SOX6: variants seen among roughly 807,000 people sequenced by gnomAD.
SOX6 encodes SRY-box transcription factor 6.
SOX6 carries 11 observed loss-of-function variants against 97.8 expected under a neutral mutation model. The observed-to-expected ratio is 0.11, with a 90% CI of 0.07 to 0.19. The LOEUF is 0.19. SOX6 is among the 10% of genes least tolerant of loss of function. The probability of loss-of-function intolerance (pLI) is 1.00; values close to 1 mark genes in which losing one functional copy is unlikely to be tolerated. For synonymous variants in SOX6, 360 were observed against 371.4 expected, an observed-to-expected ratio of 0.97 and a Z score of 0.35; for missense variants, 810 against 1,039.5, an observed-to-expected ratio of 0.78 and a Z score of 3.04.
intron 1 of SOX6, among the ~76,000 whole-genome samples, chr11:16,444,737 G>A (rs904443811): frequency 2.0e-5 from 3 of 152,046 alleles, no homozygotes; most frequent in African/African-American, 7.2e-5. Flanking sequence ...GCAGATATTT[G>A]ATGAGACTAT....
At chr11:16,554,447 T>C (rs1847729170) in intron 4 of SOX6, among the ~76,000 whole-genome samples, 1 of 152,126 alleles carries the variant, frequency 6.6e-6, no homozygotes. Context: ...ATTCCCACCA[T>C]GTGCCAGGCA....
chr11:16,303,389 C>G (rs560025556), intron 3 of SOX6, among the ~76,000 whole-genome samples: 1 of 152,168 alleles, frequency 6.6e-6, no homozygotes, highest in South Asian at 2.1e-4. Flanking sequence ...TGTAAAATAA[C>G]AAATACTTTT....
chr11:16,082,977 G>A (rs532204067), intron 9 of SOX6, among the ~76,000 whole-genome samples: 6 of 152,242 alleles, frequency 3.9e-5, no homozygotes, highest in Admixed American at 3.3e-4. Flanking sequence ...CTACACCTAT[G>A]GGTAGCTATT....
intron 2 of SOX6, among the ~76,000 whole-genome samples, chr11:16,337,645 T>C (rs1856504525): frequency 6.6e-6 from 1 of 152,102 alleles, no homozygotes; most frequent in African/African-American, 2.4e-5. Flanking sequence ...GTGAATCTTA[T>C]TTACATTAAC....
chr11:16,327,020 C>T (rs1447488996), intron 2 of SOX6, among the ~76,000 whole-genome samples: 1 of 152,154 alleles, frequency 6.6e-6, no homozygotes, highest in Non-Finnish European at 1.5e-5. Context: ...AAACTTCTTT[C>T]TTACGTGGTG....
chr11:16,308,147 A>G (rs1855492975), intron 3 of SOX6, among the ~76,000 whole-genome samples: 1 of 152,234 alleles, frequency 6.6e-6, no homozygotes, highest in African/African-American at 2.4e-5. Context: ...AAAATTGGAT[A>G]GAAGCTTTTA....
At chr11:16,100,393 G>T (rs1002273058) in intron 7 of SOX6, among the ~76,000 whole-genome samples, 3 of 151,730 alleles carry the variant, frequency 2.0e-5, no homozygotes, top group African/African-American at 7.2e-5. Context: ...ACCAATTTGA[G>T]AAATAATGTC....
intron 13 of SOX6, among the ~76,000 whole-genome samples, chr11:15,997,121 T>G (rs1281244063): frequency 6.6e-6 from 1 of 152,108 alleles, no homozygotes; most frequent in Non-Finnish European, 1.5e-5. Context: ...TCAATAAATT[T>G]GACAACTTAG....
intron 4 of SOX6, among the ~76,000 whole-genome samples, chr11:16,543,936 T>G (rs1847584200): frequency 1.3e-5 from 2 of 152,142 alleles, no homozygotes; most frequent in South Asian, 2.1e-4. Flanking sequence ...CAAATATTCA[T>G]GGAAGCACTA....
Position 16,660,567 on chromosome 11 carries a change from T to C in SOX6, n.430-48307A>G, listed in dbSNP as rs190233999. Among the ~76,000 whole-genome samples the C allele has an allele frequency of 6.0e-4, 91 of 152,366 alleles. 1 individual carries two copies. In the South Asian group the frequency reaches 7.9e-3, roughly 13 times the overall value. On this transcript the variant is annotated intron_variant and non_coding_transcript_variant, in intron 3 of 5. Transcript: ENST00000524520. ...GAGAAGAATGCATACTTTGCTAGTA[T>C]TGAATGAAGTATTCTCTAAATATCT...
chr11:15,987,792 A>G (rs916227083), intron 14 of SOX6, among the ~76,000 whole-genome samples: 1 of 151,912 alleles, frequency 6.6e-6, no homozygotes, highest in Non-Finnish European at 1.5e-5. Context: ...TAACATCCCT[A>G]TGCATAACTC....
At chr11:16,349,680 GGAAGGAAGGA>G (rs1565105552) in intron 1 of SOX6, among the ~76,000 whole-genome samples, 77 of 61,324 alleles carry the variant, frequency 1.3e-3, no homozygotes, top group African/African-American at 3.6e-3. Flanking sequence ...GAGGGAGGAA[GGAAGGAAGGA>G]AGGAAGGAAG....
chr11:16,370,219 C>G (rs2134391292), intron 1 of SOX6, among the ~76,000 whole-genome samples: 1 of 152,256 alleles, frequency 6.6e-6, no homozygotes, highest in African/African-American at 2.4e-5. Flanking sequence ...TGGCTGGTAG[C>G]TGCTTCATAC....
In SOX6 at chr11:16,300,680, G is replaced by A. The variant is rs1855230839; in HGVS notation, c.445+17766C>T. ...GAATGGCAGAGCAAGTGGGGCTAAC[G>A]AAAACTGAAGTTCATCACCAGAGAA... On this transcript the variant is annotated intron_variant, in intron 3 of 15. Transcript: ENST00000683767. The surrounding 1 kb of genome is among the most constrained non-coding windows in gnomAD (Gnocchi z 4.1). 6.6e-6 allele frequency among the ~76,000 whole-genome samples: 1 copy of A among 152,108 alleles called. No homozygotes were observed. The highest frequency in any genetic ancestry group is 1.5e-5 in the Non-Finnish European group (1 of 68,018).
At chr11:16,545,613 A>G (rs1160642121) in intron 4 of SOX6, among the ~76,000 whole-genome samples, 1 of 152,142 alleles carries the variant, frequency 6.6e-6, no homozygotes, top group Non-Finnish European at 1.5e-5. Context: ...TAGCCAGAAC[A>G]ATTAGTCAAG....
rs66685848 is a variant in SOX6 at position 16,198,025 on chromosome 11, CTGTTGTTGTTGTTGTTGT to C, written c.536-11088_536-11071del. Among the ~76,000 whole-genome samples the C allele has an allele frequency of 2.0e-3, 303 of 150,020 alleles. 5 individuals carry two copies. The East Asian group carries it at 0.029, about 14-fold the overall frequency. On this transcript the variant is annotated intron_variant, in intron 4 of 15. Coordinates refer to ENST00000683767, the MANE Select transcript of SOX6 (RefSeq NM_001367873.1). ...TTAGAAAAGCTTAATTCAAGATTTCCTGTTGTTGTTGTTGTTGTTGTTGTTGTTGTTGTTGTTGTTGTT... is the reference window on the plus strand; with the variant it reads ...TTAGAAAAGCTTAATTCAAGATTTCCTGTTGTTGTTGTTGTTGTTGTTGTT...
chr11:16,160,982 A>G (rs998322280), intron 6 of SOX6, among the ~76,000 whole-genome samples: 1 of 152,180 alleles, frequency 6.6e-6, no homozygotes, highest in Non-Finnish European at 1.5e-5. Flanking sequence ...CAATGATTTA[A>G]ATATTTGATT....
At chr11:16,700,085 C>T (rs1220938749) in intron 3 of SOX6, among the ~76,000 whole-genome samples, 1 of 151,926 alleles carries the variant, frequency 6.6e-6, no homozygotes, top group Non-Finnish European at 1.5e-5. Flanking sequence ...CAAATCACTA[C>T]TATGATACAT....
chr11:16,465,004 T>C (rs1014232158), intron 1 of SOX6, among the ~76,000 whole-genome samples: 6 of 152,214 alleles, frequency 3.9e-5, no homozygotes, highest in Admixed American at 6.5e-5. Context: ...CTTATTTCAA[T>C]CATTTACTGT....
Sources: allele counts gnomAD v4.1 joint callset (sites outside exome capture counted in the v4.1 genomes callset), GRCh38; gene constraint gnomAD v4.1.1; non-coding constraint Gnocchi (gnomAD v3.1); transcripts MANE v1.5; gene names NCBI Gene and HGNC (gene_info 2026-07-23, HGNC 2026-07-21).